Variants in TSHZ2 observed in about 807,000 individuals in gnomAD.
TSHZ2 encodes teashirt homolog 2.
In TSHZ2, 21 loss-of-function variants were observed where a neutral mutation model predicts 74.4. The observed-to-expected ratio is 0.28, with a 90% CI of 0.20 to 0.41. TSHZ2 has a LOEUF of 0.41. TSHZ2 is among the 10% of genes least tolerant of loss of function. The pLI is 1.00. For missense variants in TSHZ2, 1,244 were observed against 1,293.5 expected (o/e 0.96, Z 0.59); for synonymous variants, 540 against 515.3 (o/e 1.05, Z -0.65).
chr20:53,203,781 T>A (rs1249524593), intron 1 of TSHZ2, among the ~76,000 whole-genome samples: 1 of 152,082 alleles, frequency 6.6e-6, no homozygotes, highest in African/African-American at 2.4e-5. Context: ...TAAAACTGCA[T>A]GTCCCAAACC....
chr20:53,466,522 G>C (rs1445037855), intron 2 of TSHZ2, among the ~76,000 whole-genome samples: 3 of 152,184 alleles, frequency 2.0e-5, no homozygotes, highest in Non-Finnish European at 4.4e-5. Flanking sequence ...AGCTGTCCAG[G>C]TTGTTTATGG....
chr20:52,997,264 G>T (rs1000717907), intron 1 of TSHZ2, among the ~76,000 whole-genome samples: 7 of 136,860 alleles, frequency 5.1e-5, no homozygotes, highest in East Asian at 2.3e-4. Context: ...TGCCCCGGGG[G>T]GGGGTTCAGC....
intron 2 of TSHZ2, among the ~76,000 whole-genome samples, chr20:53,411,037 C>A (rs1044846427): frequency 6.6e-6 from 1 of 152,162 alleles, no homozygotes; most frequent in African/African-American, 2.4e-5. Flanking sequence ...GGATCCTGCT[C>A]CTTCAAGTCA....
intron 1 of TSHZ2, among the ~76,000 whole-genome samples, chr20:53,120,189 T>C (rs539790867): frequency 1.3e-5 from 2 of 152,334 alleles, no homozygotes; most frequent in African/African-American, 4.8e-5. Context: ...TGAATATGAA[T>C]CCGTGGATTC....
In TSHZ2 at chr20:53,278,194, G is replaced by A. The variant is rs117145964; in HGVS notation, c.*8+21623G>A. Among the ~76,000 whole-genome samples the A allele has an allele frequency of 2.0e-3, 299 of 152,256 alleles. 1 individual carries two copies. Among genetic ancestry groups the A allele is most frequent in the South Asian group, 4.4e-3 (21 of 4,824 alleles). Reference sequence around the variant, plus strand: ...CTTCTTTAAGGATTCTTGCCTGAAAGCCTATCTAAATCAGTTGTTGTCTGT... The same window carrying A: ...CTTCTTTAAGGATTCTTGCCTGAAAACCTATCTAAATCAGTTGTTGTCTGT... On this transcript the variant is annotated intron_variant, in intron 2 of 2. Coordinates refer to ENST00000371497, the MANE Select transcript of TSHZ2 (RefSeq NM_173485.6).
intron 2 of TSHZ2, among the ~76,000 whole-genome samples, chr20:53,365,806 T>C (rs968450806): frequency 1.3e-5 from 2 of 151,946 alleles, no homozygotes; most frequent in Admixed American, 1.3e-4. Context: ...CTCCCAGATG[T>C]CAAGGACCTC....
intron 1 of TSHZ2, among the ~76,000 whole-genome samples, chr20:53,044,962 G>A (rs1327469620): frequency 6.6e-6 from 1 of 152,248 alleles, no homozygotes; most frequent in African/African-American, 2.4e-5. Flanking sequence ...TCCTCCCAGA[G>A]TGCTGGGATT....
intron 1 of TSHZ2, among the ~76,000 whole-genome samples, chr20:53,116,433 C>T (rs1986669132): frequency 6.6e-6 from 1 of 152,178 alleles, no homozygotes; most frequent in African/African-American, 2.4e-5. Context: ...CTTCCTTACT[C>T]TCCTGACTAC....
chr20:53,087,794 GCTT>G (rs746739306), intron 1 of TSHZ2, among the ~76,000 whole-genome samples: 6 of 152,194 alleles, frequency 3.9e-5, no homozygotes, highest in Admixed American at 2.6e-4. Flanking sequence ...TAGTACCTCT[GCTT>G]CTTCTAGTTG....
Position 53,405,080 on chromosome 20 carries a change from T to G in TSHZ2, c.*9-82064T>G, listed in dbSNP as rs1982794488. On this transcript the variant is annotated intron_variant, in intron 2 of 2. Transcript: ENST00000371497. ...GCCTGGCCACCAGGGCGAAAACCTGTCTCTACAAAAATACAAAAATTAGCC... is the reference window on the plus strand; with the variant it reads ...GCCTGGCCACCAGGGCGAAAACCTGGCTCTACAAAAATACAAAAATTAGCC... 2.0e-5 allele frequency among the ~76,000 whole-genome samples: 3 copies of G among 152,092 alleles called. No homozygotes were observed. In the South Asian group the frequency reaches 6.2e-4, roughly 32 times the overall value.
chr20:53,299,008 CTCCTGTG>C, intron 2 of TSHZ2, among the ~76,000 whole-genome samples: 1 of 152,174 alleles, frequency 6.6e-6, no homozygotes, highest in Non-Finnish European at 1.5e-5. Context: ...TGCTTTCCAG[CTCCTGTG>C]AATTTCACAA....
At chr20:53,115,548 TA>T (rs1317942540) in intron 1 of TSHZ2, among the ~76,000 whole-genome samples, 2 of 152,184 alleles carry the variant, frequency 1.3e-5, no homozygotes, top group Non-Finnish European at 2.9e-5. Flanking sequence ...CTTTCCTTTA[TA>T]AATTACCCAG....
intron 2 of TSHZ2, among the ~76,000 whole-genome samples, chr20:53,401,774 C>CTTTTTTTTTTTTT (rs59656180): frequency 7.4e-5 from 7 of 94,864 alleles, no homozygotes; most frequent in African/African-American, 1.4e-4. Context: ...AACACATTTT[C>CTTTTTTTTTTTTT]TTTTTTTTTT....
Position 53,255,592 on chromosome 20 carries a change from C to G in TSHZ2, c.2134C>G (p.Pro712Ala). ...LNNHLGKATE[P>A]LRSPSCSSPS... ...CAATCACTTGGGCAAAGCCACGGAG[C>G]CCTTGCGCTCACCTTCCTGCTCCAG... The change falls in exon 2 of 3, where the codon CCC becomes GCC. Residue 712 changes from proline to alanine, a missense_variant. Pro to Ala is a conservative substitution (Grantham distance 27, BLOSUM62 -1). Coordinates refer to ENST00000371497, the MANE Select transcript of TSHZ2 (RefSeq NM_173485.6). This position sits in a 1 kb window ranked among gnomAD's most constrained non-coding sequence, Gnocchi z 4.1. The G allele has an allele frequency of 6.3e-7, 1 of 1,583,380 alleles. No individual in the cohort carries two copies. The highest frequency in any genetic ancestry group is 8.6e-7 in the Non-Finnish European group (1 of 1,165,344).
chr20:53,337,252 AT>A (rs1258794652), intron 2 of TSHZ2, among the ~76,000 whole-genome samples: 1 of 152,172 alleles, frequency 6.6e-6, no homozygotes, highest in Non-Finnish European at 1.5e-5. Flanking sequence ...CTTAAAGTCA[AT>A]TTCTTATGGA....
intron 1 of TSHZ2, among the ~76,000 whole-genome samples, chr20:52,993,207 T>G (rs1027340727): frequency 3.9e-5 from 6 of 152,216 alleles, no homozygotes; most frequent in African/African-American, 1.4e-4. Flanking sequence ...AAATTTATTT[T>G]TTTTCACAGT....
At chr20:53,060,556 G>A (rs549707184) in intron 1 of TSHZ2, among the ~76,000 whole-genome samples, 1 of 152,318 alleles carries the variant, frequency 6.6e-6, no homozygotes, top group African/African-American at 2.4e-5. Context: ...AAGTTAGATA[G>A]CTGAAACTGG....
At chr20:53,429,774 T>C (rs6013682) in intron 2 of TSHZ2, among the ~76,000 whole-genome samples, 13,246 of 152,208 alleles carry the variant, frequency 0.087, 992 homozygotes, top group East Asian at 0.33. Context: ...AGATGGTACT[T>C]GGGTGAGCTT....
intron 2 of TSHZ2, among the ~76,000 whole-genome samples, chr20:53,409,784 G>T (rs534282443): frequency 6.6e-6 from 1 of 151,416 alleles, no homozygotes; most frequent in East Asian, 1.9e-4. Flanking sequence ...GCAGAGCTGG[G>T]GACAAAGCCT....
Sources: allele counts gnomAD v4.1 joint callset (sites outside exome capture counted in the v4.1 genomes callset), GRCh38; gene constraint gnomAD v4.1.1; non-coding constraint Gnocchi (gnomAD v3.1); transcripts MANE v1.5; gene names NCBI Gene and HGNC (gene_info 2026-07-23, HGNC 2026-07-21).